The following TRPV3 variants were observed in gnomAD, a reference collection of about 807,000 sequenced individuals.
TRPV3 encodes VRL-3.
In TRPV3, 88 loss-of-function variants were observed where a neutral mutation model predicts 87.1. That is an observed-to-expected ratio of 1.01 (90% CI 0.85 to 1.21). TRPV3 has a LOEUF of 1.21. Among genes scored for constraint, TRPV3 ranks in the 50% most tolerant of loss-of-function variants. The pLI is 0.00. For missense variants in TRPV3, 1,054 were observed against 1,030.1 expected (o/e 1.02, Z -0.32); for synonymous variants, 438 against 423.3 (o/e 1.03, Z -0.43).
At position 3,510,764 on chromosome 17, in the gene TRPV3, G is replaced by C. The variant is rs984404895; in HGVS notation, c.*3153C>G. On this transcript the variant is annotated 3_prime_UTR_variant, in exon 18 of 18. Transcript: ENST00000576742. ...AAATCAAGTACGGCTTACAGGCCCG[G>C]ATGACGGCCCATCTACCTGGGCCCT... 1.3e-5 allele frequency: 2 copies of C among 152,200 alleles called. No homozygotes were observed. The highest frequency in any genetic ancestry group is 4.8e-5 in the African/African-American group (2 of 41,448). The allele number at this position is 152,200 out of a possible 1,614,324, so 9.4% of individuals were successfully genotyped here.
intron 14 of TRPV3, among the ~76,000 whole-genome samples, chr17:3,519,543 TG>T (rs916015905): frequency 6.9e-6 from 1 of 145,516 alleles, no homozygotes; most frequent in Non-Finnish European, 1.5e-5. Context: ...GATAGATGGA[TG>T]GATGGACCAA....
At chr17:3,551,019 G>A (rs992289575) in intron 2 of TRPV3, among the ~76,000 whole-genome samples, 5 of 152,206 alleles carry the variant, frequency 3.3e-5, no homozygotes, top group Non-Finnish European at 7.3e-5. Context: ...TGGGAGCTCA[G>A]AGGAAGAGAA....
chr17:3,525,154 G>A (rs1239609895), intron 12 of TRPV3, among the ~76,000 whole-genome samples: 2 of 150,534 alleles, frequency 1.3e-5, no homozygotes, highest in South Asian at 2.1e-4. Context: ...CTAGTAGCTG[G>A]GATTACAGGC....
At chr17:3,527,817 G>C (rs980071050) in intron 11 of TRPV3, 6 of 575,810 alleles carry the variant, frequency 1.0e-5, no homozygotes, top group Non-Finnish European at 1.9e-5. Flanking sequence ...CGGATAGTTG[G>C]GCAGATGGAT....
In TRPV3 at chr17:3,518,445, C is replaced by G; in HGVS notation, c.2085+131G>C. On this transcript the variant is annotated intron_variant, in intron 15 of 17. Coordinates refer to ENST00000576742, the MANE Select transcript of TRPV3 (RefSeq NM_145068.4). This position sits in a 1 kb window ranked among gnomAD's most constrained non-coding sequence, Gnocchi z 4.3. ...TAGGCTAAGGCCTCCTCAAACCTGG[C>G]CACACACTGAGGAGCTTGTGCAGAT... The G allele has an allele frequency of 9.0e-7, 1 of 1,107,074 alleles. No homozygotes were observed. Among genetic ancestry groups the G allele is most frequent in the Non-Finnish European group, 1.3e-6 (1 of 794,186 alleles). 68.6% of individuals were successfully genotyped at this position (1,107,074 alleles called of 1,614,324 possible). A position where few individuals can be genotyped will look rare whatever the true frequency, so the allele number is the denominator to read the frequency against.
intron 2 of TRPV3, 73 bp downstream of exon 2, chr17:3,554,659 C>T (rs2074609514): frequency 1.9e-6 from 2 of 1,050,364 alleles, no homozygotes; most frequent in Non-Finnish European, 2.8e-6. Flanking sequence ...CAAGGGCTCC[C>T]TGGGGGGGTG....
In TRPV3 at chr17:3,528,878, T is replaced by C. The variant is rs1254026706; in HGVS notation, c.1360A>G (p.Thr454Ala). 2 of 1,613,804 alleles carry C rather than the reference T, an allele frequency of 1.2e-6. No homozygotes were observed. Among genetic ancestry groups the C allele is most frequent in the Non-Finnish European group, 1.7e-6 (2 of 1,179,950 alleles). The change falls in exon 10 of 18, where the codon ACC becomes GCC. Residue 454 changes from threonine (T) to alanine (A), a missense_variant. Thr to Ala is a moderately conservative substitution (Grantham distance 58). Coordinates refer to ENST00000576742, the MANE Select transcript of TRPV3 (RefSeq NM_145068.4). The surrounding 1 kb of genome is among the most constrained non-coding windows in gnomAD (Gnocchi z 4.2). ...CGGTAGTACGAGACGAGGGTCAGGG[T>C]GATGTTGTAGAAGAAATAAAAGCAG... ...SFCFYFFYNI[T>A]LTLVSYYRPR...
chr17:3,549,330 T>A (rs914475768), intron 2 of TRPV3, among the ~76,000 whole-genome samples: 1 of 152,174 alleles, frequency 6.6e-6, no homozygotes, highest in African/African-American at 2.4e-5. Flanking sequence ...TGGACAAAAT[T>A]TCCATCCCTT....
rs769660161 is a variant in TRPV3, at chr17:3,544,685, G to A, written c.225-20C>T. The A allele has an allele frequency of 5.1e-5, 80 of 1,580,228 alleles. No homozygotes were observed. Among genetic ancestry groups the A allele is most frequent in the Non-Finnish European group, 6.4e-5 (74 of 1,156,374 alleles). On this transcript the variant is annotated intron_variant, in intron 3 of 17. Transcript: ENST00000576742. ...GAGATGCTGGAGGTGTTGGCAGGGG[G>A]AACAGAGAGGGTTTTAAAGTTTTAA...
chr17:3,540,019 A>G (rs903278427), intron 6 of TRPV3, among the ~76,000 whole-genome samples: 13 of 152,036 alleles, frequency 8.6e-5, no homozygotes, highest in Non-Finnish European at 1.8e-4. Context: ...AGGTTGTGCC[A>G]CTGCACTCCA....
At chr17:3,547,493 C>T (rs2074537468) in intron 2 of TRPV3, among the ~76,000 whole-genome samples, 1 of 152,184 alleles carries the variant, frequency 6.6e-6, no homozygotes, top group South Asian at 2.1e-4. Flanking sequence ...TGGTGGCACG[C>T]ACCTGTAATC....
chr17:3,554,856 G>A lies in TRPV3; in HGVS notation c.-2-4C>T. 6.2e-7 allele frequency: 1 copy of A among 1,602,084 alleles called. No homozygotes were observed. Among genetic ancestry groups the A allele is most frequent in the Non-Finnish European group, 8.5e-7 (1 of 1,172,620 alleles). Reference sequence around the variant, plus strand: ...TCCTTGGGGTGGGCTTTCATGGCTGGAATACAACCACAGGGCAGATGCTCA... The same window carrying A: ...TCCTTGGGGTGGGCTTTCATGGCTGAAATACAACCACAGGGCAGATGCTCA... On this transcript the variant is annotated splice_region_variant and splice_polypyrimidine_tract_variant and intron_variant, in intron 1 of 17. Coordinates refer to ENST00000576742, the MANE Select transcript of TRPV3 (RefSeq NM_145068.4).
intron 1 of TRPV3, 32 bp from the exon 2 acceptor site, chr17:3,554,884 C>A: frequency 6.6e-7 from 1 of 1,508,500 alleles, no homozygotes; most frequent in Non-Finnish European, 9.1e-7. Flanking sequence ...GATGCTCAGG[C>A]CGGGGGGACA....
intron 8 of TRPV3, among the ~76,000 whole-genome samples, chr17:3,532,077 C>G (rs1296625281): frequency 6.6e-6 from 1 of 152,202 alleles, no homozygotes; most frequent in Non-Finnish European, 1.5e-5. Flanking sequence ...GCCATGACAC[C>G]GGCCCCTGAA....
rs141539677 is a variant in TRPV3 at position 3,537,632 on chromosome 17, G to A, written c.644-1919C>T. 3.4e-3 allele frequency among the ~76,000 whole-genome samples: 523 copies of A among 152,212 alleles called. 3 individuals are homozygous for A. The highest frequency in any genetic ancestry group is 0.012 in the African/African-American group (478 of 41,518). On this transcript the variant is annotated intron_variant, in intron 6 of 17. Transcript: ENST00000576742. Reference sequence around the variant, plus strand: ...GGCAATGTGTTTTAGGGCCGGGCGCGGTAGCTCACACCTGTAATCCCAGCA... The same window carrying A: ...GGCAATGTGTTTTAGGGCCGGGCGCAGTAGCTCACACCTGTAATCCCAGCA...
chr17:3,550,520 C>CTTTT lies in TRPV3; in HGVS notation c.119+4208_119+4211dup, dbSNP rs35400667. On this transcript the variant is annotated intron_variant, in intron 2 of 17. Transcript: ENST00000576742. ...TCCTTCTCTCATTTTCCTGCCTGCTCTTTTTTTTTTTTTTTTTTTTTTGAG... is the reference window on the plus strand; with the variant it reads ...TCCTTCTCTCATTTTCCTGCCTGCTCTTTTTTTTTTTTTTTTTTTTTTTTTTGAG... Among the ~76,000 whole-genome samples, 122 of 92,170 alleles carry CTTTT rather than the reference C, an allele frequency of 1.3e-3. 3 individuals carry two copies. The highest frequency in any genetic ancestry group is 2.0e-3 in the East Asian group (6 of 3,022). 60.5% of individuals were successfully genotyped at this position (92,170 alleles called of 152,430 possible).
chr17:3,531,340 A>C (rs1456992173), intron 8 of TRPV3, among the ~76,000 whole-genome samples: 1 of 152,182 alleles, frequency 6.6e-6, no homozygotes, highest in African/African-American at 2.4e-5. Flanking sequence ...ACCTGGCCTC[A>C]CAAGACCCAC....
In TRPV3 at chr17:3,512,243, A is replaced by T. The variant is rs2074122422; in HGVS notation, c.*1674T>A. 1 of 152,282 alleles carries T rather than the reference A, an allele frequency of 6.6e-6. No individual in the cohort carries two copies. Among genetic ancestry groups the T allele is most frequent in the African/African-American group, 2.4e-5 (1 of 41,444 alleles). The allele number at this position is 152,282 out of a possible 1,614,324, so 9.4% of individuals were successfully genotyped here. A position where few individuals can be genotyped will look rare whatever the true frequency, so the allele number is the denominator to read the frequency against. On this transcript the variant is annotated 3_prime_UTR_variant, in exon 18 of 18. Coordinates refer to ENST00000576742, the MANE Select transcript of TRPV3 (RefSeq NM_145068.4). ...TTCTCTTCTCCAGAGGCCCATGCCC[A>T]GCCCCGACCACTGTGGCTTAGAGCA...
rs1460096356 is a variant in TRPV3 at position 3,511,352 on chromosome 17, AT to A, written c.*2564del. On this transcript the variant is annotated 3_prime_UTR_variant, in exon 18 of 18. Coordinates refer to ENST00000576742, the MANE Select transcript of TRPV3 (RefSeq NM_145068.4). ...GATGGAATAACTGTGCTTTTTAAAAATAAATAAATAATGGCTCAGGGAGACA... is the reference window on the plus strand; with the variant it reads ...GATGGAATAACTGTGCTTTTTAAAAAAAATAAATAATGGCTCAGGGAGACA... 6.6e-6 allele frequency: 1 copy of A among 152,236 alleles called. No individual in the cohort carries two copies. The highest frequency in any genetic ancestry group is 2.4e-5 in the African/African-American group (1 of 41,456). 9.4% of individuals were successfully genotyped at this position (152,236 alleles called of 1,614,324 possible). A position where few individuals can be genotyped will look rare whatever the true frequency, so the allele number is the denominator to read the frequency against.
Sources: allele counts gnomAD v4.1 joint callset (sites outside exome capture counted in the v4.1 genomes callset), GRCh38; gene constraint gnomAD v4.1.1; non-coding constraint Gnocchi (gnomAD v3.1); transcripts MANE v1.5; gene names NCBI Gene and HGNC (gene_info 2026-07-23, HGNC 2026-07-21).